The following FN1 variants were observed in gnomAD, a reference collection of about 807,000 sequenced individuals.
The protein encoded by FN1 is fibronectin 1, also known as fibronectin.
FN1 carries 106 observed loss-of-function variants against 297.3 expected under a neutral mutation model. That is an observed-to-expected ratio of 0.36 (90% confidence interval 0.30 to 0.42). The LOEUF (loss-of-function observed/expected upper bound fraction) is 0.42, where lower values mean the gene tolerates loss of function less well. FN1 is among the 10% of genes least tolerant of loss of function. FN1 has a pLI of 1.00. For missense variants in FN1, 2,690 were observed against 3,124.9 expected (o/e 0.86, Z 3.32); for synonymous variants, 1,149 against 1,152.6 (o/e 1.00, Z 0.06).
chr2:215,375,756 C>CT, intron 36 of FN1, 38 bp from the exon 37 acceptor site: 2 of 1,352,698 alleles, frequency 1.5e-6, no homozygotes. Flanking sequence ...ACAGTTCTTG[C>CT]TTTTTACTAG....
At chr2:215,394,791 A>C in intron 23 of FN1, 72 bp from the exon 24 acceptor site, 1 of 1,184,184 alleles carries the variant, frequency 8.4e-7, no homozygotes, top group Non-Finnish European at 1.3e-6. Context: ...CTAGACTCCA[A>C]TGATGGATTC....
At chr2:215,362,281 A>G (rs1435091060) in intron 44 of FN1, 1 of 587,418 alleles carries the variant, frequency 1.7e-6, no homozygotes, top group Non-Finnish European at 3.1e-6. Context: ...TTATACCTAC[A>G]TCTGTCTCTC....
chr2:215,401,259 A>AAAGG (rs1553629757), intron 20 of FN1, among the ~76,000 whole-genome samples: 6,416 of 81,552 alleles, frequency 0.079, 367 homozygotes, highest in South Asian at 0.11. Flanking sequence ...AGGAAGAAAG[A>AAAGG]AAGGAAGGAA....
Position 215,409,469 on chromosome 2 carries a change from C to G in FN1, c.2299+94G>C, listed in dbSNP as rs1314194926. 8 of 1,208,858 alleles carry G rather than the reference C, an allele frequency of 6.6e-6. No individual in the cohort carries two copies. In the East Asian group the frequency reaches 7.0e-5, roughly 11 times the overall value. The allele number at this position is 1,208,858 out of a possible 1,614,324, so 74.9% of individuals were successfully genotyped here. ...TCTGAGCTGTCAACCAGTTCCAAAC[C>G]ACAGATACCACCTGCCTAGAGGCCA... On this transcript the variant is annotated intron_variant, in intron 15 of 45. Coordinates refer to ENST00000354785, the MANE Select transcript of FN1 (RefSeq NM_212482.4).
intron 31 of FN1, 143 bp from the exon 32 acceptor site, chr2:215,382,468 T>C (rs1012147699): frequency 9.7e-5 from 66 of 677,198 alleles, no homozygotes; most frequent in Non-Finnish European, 1.8e-4. Flanking sequence ...AGAGTCAGAC[T>C]TTGATTTCCT....
intron 20 of FN1, among the ~76,000 whole-genome samples, chr2:215,401,257 A>AGGAAGGAAGGAAGGAAGGAAGGAAGGAGG (rs1559476133): frequency 3.2e-5 from 1 of 31,568 alleles, no homozygotes; most frequent in African/African-American, 9.5e-5. Flanking sequence ...AAAGGAAGAA[A>AGGAAGGAAGGAAGGAAGGAAGGAAGGAGG]GAAAGGAAGG....
At chr2:215,420,884 CAACTA>C in intron 10 of FN1, 83 bp from the exon 11 acceptor site, 2 of 1,202,564 alleles carry the variant, frequency 1.7e-6, no homozygotes, top group Non-Finnish European at 2.5e-6. Flanking sequence ...TCAAAGCATA[CAACTA>C]CTTCCACTTA....
intron 13 of FN1, among the ~76,000 whole-genome samples, chr2:215,412,015 C>A (rs920450770): frequency 6.6e-6 from 1 of 151,912 alleles, no homozygotes; most frequent in Admixed American, 6.6e-5. Flanking sequence ...AATGGTCTCA[C>A]ATAATACTTT....
In FN1 at chr2:215,424,249, G is replaced by A. The variant is rs1307670547; in HGVS notation, c.1113C>T (p.Phe371=). The A allele has an allele frequency of 1.9e-6, 3 of 1,613,616 alleles. No individual in the cohort carries two copies. The highest frequency in any genetic ancestry group is 2.5e-6 in the Non-Finnish European group (3 of 1,179,640). ...GTCGCCCTTCTGTGGTGCAGGAGTA[G>A]AACGTCCTGCCATTGTAGGTGAATG... ...VLPFTYNGRT[F]YSCTTEGRQD... Residue 371 remains phenylalanine (F), a synonymous_variant, in exon 8 of 46, where the codon TTC becomes TTT. Transcript: ENST00000354785.
At chr2:215,430,631 TGA>T in intron 5 of FN1, 82 bp downstream of exon 5, 1 of 1,508,768 alleles carries the variant, frequency 6.6e-7, no homozygotes, top group African/African-American at 1.4e-5. Context: ...GGATGTGTTC[TGA>T]GTAACATAGT....
intron 35 of FN1, 125 bp from the exon 36 acceptor site, chr2:215,376,799 G>A (rs896254680): frequency 3.3e-5 from 26 of 780,624 alleles, no homozygotes; most frequent in Middle Eastern, 3.6e-4. Flanking sequence ...AACTAGTAAT[G>A]TGTAGATTAT....
rs1233175100 is a variant in FN1, at chr2:215,381,940, A to G, written c.5164+272T>C. 7.9e-5 allele frequency: 33 copies of G among 416,492 alleles called. No individual in the cohort carries two copies. In the East Asian group the frequency reaches 1.6e-3, roughly 20 times the overall value. The allele number at this position is 416,492 out of a possible 1,614,324, so 25.8% of individuals were successfully genotyped here. A position where few individuals can be genotyped will look rare whatever the true frequency, so the allele number is the denominator to read the frequency against. ...TAGGAAAATTTTTTGTAGATTTGCTATAGGCAAATAAGATTTCGCTGAGGC... is the reference window on the plus strand; with the variant it reads ...TAGGAAAATTTTTTGTAGATTTGCTGTAGGCAAATAAGATTTCGCTGAGGC... On this transcript the variant is annotated intron_variant, in intron 32 of 45. Transcript: ENST00000354785.
Position 215,361,414 on chromosome 2 carries a change from G to A in FN1, c.*141C>T. 1 of 767,738 alleles carries A rather than the reference G, an allele frequency of 1.3e-6. No homozygotes were observed. Among genetic ancestry groups the A allele is most frequent in the Admixed American group, 1.7e-5 (1 of 57,388 alleles). The allele number at this position is 767,738 out of a possible 1,614,324, so 47.6% of individuals were successfully genotyped here. On this transcript the variant is annotated 3_prime_UTR_variant, in exon 46 of 46. Transcript: ENST00000354785. ...GTGATGCTTGGAGAAGCTGTGAGTTGAGCTGAAGCTGGAGAACTTCCTCCA... is the reference window on the plus strand; with the variant it reads ...GTGATGCTTGGAGAAGCTGTGAGTTAAGCTGAAGCTGGAGAACTTCCTCCA...
intron 10 of FN1, among the ~76,000 whole-genome samples, chr2:215,421,620 A>AT (rs1559556548): frequency 6.6e-6 from 1 of 152,240 alleles, no homozygotes; most frequent in Non-Finnish European, 1.5e-5. Context: ...ATACTTCCTC[A>AT]TATTATATAG....
intron 13 of FN1, among the ~76,000 whole-genome samples, chr2:215,411,331 T>C (rs1288891340): frequency 6.6e-6 from 1 of 152,198 alleles, no homozygotes; most frequent in African/African-American, 2.4e-5. Context: ...GCCCAGTGAT[T>C]TTTAAAAATT....
Position 215,384,928 on chromosome 2 carries a change from C to T in FN1, c.4661G>A (p.Ser1554Asn). The part of the protein sequence containing the change: ...DLEVVAATPT[S>N]LLISWDAPAV... ...AGGAGCATCCCAGCTGATCAGTAGG[C>T]TGGTGGGGGTCGCAGCAACAACTTC... is the stretch of plus-strand genomic sequence containing the variant. The change falls in exon 29 of 46, where the codon AGC (serine) becomes AAC (asparagine). Residue 1554 changes from serine to asparagine, a missense_variant. This residue lies in a region of FN1 where 1,743 missense variants were observed against 1,945.2 expected (regional missense o/e 0.90). Coordinates refer to ENST00000354785, the MANE Select transcript of FN1 (RefSeq NM_212482.4). 5 of 1,613,982 alleles carry T rather than the reference C, an allele frequency of 3.1e-6. No individual in the cohort carries two copies. Among genetic ancestry groups the T allele is most frequent in the Middle Eastern group, 1.6e-4 (1 of 6,062 alleles).
chr2:215,435,092 G>A (rs1324721477), intron 1 of FN1, among the ~76,000 whole-genome samples: 1 of 152,138 alleles, frequency 6.6e-6, no homozygotes, highest in Non-Finnish European at 1.5e-5. Flanking sequence ...ACAACTTTAA[G>A]CAGCTTTCTC....
At chr2:215,371,667 G>C (rs1463084733) in intron 40 of FN1, among the ~76,000 whole-genome samples, 2 of 133,950 alleles carry the variant, frequency 1.5e-5, no homozygotes, top group African/African-American at 5.5e-5. Flanking sequence ...TCTAAAAGTG[G>C]AGCCACTTTT....
At chr2:215,427,762 T>C (rs1355833895) in intron 6 of FN1, among the ~76,000 whole-genome samples, 1 of 152,148 alleles carries the variant, frequency 6.6e-6, no homozygotes, top group Non-Finnish European at 1.5e-5. Context: ...CCAAATGCAC[T>C]TTTTTTGTCC....
Sources: allele counts gnomAD v4.1 joint callset (sites outside exome capture counted in the v4.1 genomes callset), GRCh38; gene constraint gnomAD v4.1.1; regional missense constraint gnomAD v4.1.1; transcripts MANE v1.5; gene names NCBI Gene and HGNC (gene_info 2026-07-23, HGNC 2026-07-21).